STK4: variants seen among roughly 807,000 people sequenced by gnomAD.
STK4 encodes serine/threonine-protein kinase 4.
Under a neutral mutation model 64.9 loss-of-function variants are expected in STK4, and 30 were observed. The ratio of observed to expected loss-of-function variants is 0.46; its 90% CI spans 0.35 to 0.63. The LOEUF is 0.63. Ranked by LOEUF, STK4 falls within the 20% of genes least tolerant of loss-of-function variation. The pLI is 0.01. For synonymous variants in STK4, 177 were observed against 199.0 expected (o/e 0.89, Z 0.93); for missense variants, 466 against 598.5 (o/e 0.78, Z 2.31).
At position 45,078,002 on chromosome 20, in the gene STK4, T is replaced by A. The variant is rs1257246594; in HGVS notation, c.*2826T>A. 1 of 152,130 alleles carries A rather than the reference T, an allele frequency of 6.6e-6. No homozygotes were observed. Among genetic ancestry groups the A allele is most frequent in the Non-Finnish European group, 1.5e-5 (1 of 68,022 alleles). The allele number at this position is 152,130 out of a possible 1,614,324, so 9.4% of individuals were successfully genotyped here. A position where few individuals can be genotyped will look rare whatever the true frequency, so the allele number is the denominator to read the frequency against. On this transcript the variant is annotated 3_prime_UTR_variant, in exon 11 of 11. Coordinates refer to ENST00000372806, the MANE Select transcript of STK4 (RefSeq NM_006282.5). Reference sequence around the variant, plus strand: ...AGTGACAGAAAGGCAAAGGAACAAGTCCTAGTTGTTGTTGTTGTTGTTGAA... The same window carrying A: ...AGTGACAGAAAGGCAAAGGAACAAGACCTAGTTGTTGTTGTTGTTGTTGAA...
rs2068320558 is a variant in STK4 at position 45,025,052 on chromosome 20, C to T, written c.1227C>T (p.Asn409=). 6.2e-7 allele frequency: 1 copy of T among 1,613,328 alleles called. No individual in the cohort carries two copies. The highest frequency in any genetic ancestry group is 8.5e-7 in the Non-Finnish European group (1 of 1,179,608). The stretch of plus-strand genomic sequence containing the variant: ...AAAAAGAAAAGGAAAACCAGATCAA[C>T]AGCTTTGGCAAGAGTGTACCTGGTC... ...FEQKEKENQI[N]SFGKSVPGPL... is the part of the protein sequence containing the mutation. Residue 409 remains asparagine, a synonymous_variant, in exon 10 of 11, where the codon AAC becomes AAT. Transcript: ENST00000372806.
At chr20:45,023,994 G>A (rs547153804) in intron 9 of STK4, among the ~76,000 whole-genome samples, 2 of 145,728 alleles carry the variant, frequency 1.4e-5, no homozygotes, top group East Asian at 2.0e-4. Flanking sequence ...TCTGCCTCCC[G>A]GGTTCACGCC....
intron 10 of STK4, among the ~76,000 whole-genome samples, chr20:45,038,897 T>A (rs2068568880): frequency 6.6e-6 from 1 of 152,078 alleles, no homozygotes; most frequent in African/African-American, 2.4e-5. Context: ...TAGCATTGTT[T>A]ACATTTTTCA....
intron 9 of STK4, among the ~76,000 whole-genome samples, chr20:45,015,906 C>A (rs2068132777): frequency 6.6e-6 from 1 of 151,954 alleles, no homozygotes; most frequent in Non-Finnish European, 1.5e-5. Flanking sequence ...GTGTTTTTTT[C>A]ATTGGACGTA....
intron 1 of STK4, chr20:44,967,318 TC>T: frequency 1.2e-6 from 1 of 810,646 alleles, no homozygotes; most frequent in Non-Finnish European, 1.5e-6. Context: ...GAGACTGAGG[TC>T]CAGAGTAGTT....
chr20:45,069,500 C>A (rs1438021378), intron 10 of STK4, among the ~76,000 whole-genome samples: 1 of 152,192 alleles, frequency 6.6e-6, no homozygotes, highest in Non-Finnish European at 1.5e-5. Context: ...GATAACTTAG[C>A]CAGGACTGGA....
At chr20:45,044,215 C>T (rs998788770) in intron 10 of STK4, among the ~76,000 whole-genome samples, 2 of 152,206 alleles carry the variant, frequency 1.3e-5, no homozygotes, top group Non-Finnish European at 2.9e-5. Flanking sequence ...GAAACTACTT[C>T]CCTTACAGTA....
At chr20:45,020,466 G>GTGTATGTT (rs1491389409) in intron 9 of STK4, among the ~76,000 whole-genome samples, 13 of 89,086 alleles carry the variant, frequency 1.5e-4, no homozygotes, top group South Asian at 6.4e-4. Context: ...GTGTGTGTGT[G>GTGTATGTT]TATGTTTATG....
At chr20:45,004,322 T>G (rs978501788) in intron 9 of STK4, 1 of 152,110 alleles carries the variant, frequency 6.6e-6, no homozygotes, top group African/African-American at 2.4e-5. Flanking sequence ...TCTTGAACTC[T>G]TGACCTCAAG....
At chr20:45,074,333 GT>G (rs546181476) in intron 10 of STK4, among the ~76,000 whole-genome samples, 1 of 152,184 alleles carries the variant, frequency 6.6e-6, no homozygotes, top group Non-Finnish European at 1.5e-5. Flanking sequence ...TCAACTCATT[GT>G]TTTTCTTTGG....
At chr20:45,003,997 G>GT (rs1489303505) in intron 9 of STK4, among the ~76,000 whole-genome samples, 4 of 151,840 alleles carry the variant, frequency 2.6e-5, no homozygotes, top group Non-Finnish European at 5.9e-5. Context: ...GGAATTACAG[G>GT]TTGAGTCACT....
chr20:44,998,711 C>T (rs1000496222), intron 7 of STK4, among the ~76,000 whole-genome samples: 1 of 152,130 alleles, frequency 6.6e-6, no homozygotes, highest in African/African-American at 2.4e-5. Flanking sequence ...ACCCAGTTTG[C>T]AGACATAATG....
intron 7 of STK4, among the ~76,000 whole-genome samples, 197 bp downstream of exon 7, chr20:44,997,503 A>G (rs949932707): frequency 1.3e-5 from 2 of 152,192 alleles, no homozygotes; most frequent in Non-Finnish European, 1.5e-5. Flanking sequence ...GCCAGCCAGC[A>G]TGGTGAAACC....
At chr20:45,041,325 G>A (rs1409527297) in intron 10 of STK4, among the ~76,000 whole-genome samples, 10 of 149,322 alleles carry the variant, frequency 6.7e-5, no homozygotes, top group Non-Finnish European at 1.5e-4. Context: ...ATGCATGCAC[G>A]CACAGACAAA....
chr20:45,014,272 A>G (rs2068101922), intron 9 of STK4, among the ~76,000 whole-genome samples: 1 of 150,810 alleles, frequency 6.6e-6, no homozygotes, highest in African/African-American at 2.5e-5. Context: ...TAAAAATACA[A>G]AAAATCAGCT....
chr20:45,025,042 A>AC lies in STK4; in HGVS notation c.1219dup (p.Gln407ProfsTer31). On this transcript the variant is annotated frameshift_variant, in exon 10 of 11. Transcript: ENST00000372806. LOFTEE classifies it high-confidence loss of function. Reference sequence around the variant, plus strand: ...TATTTTGAACAAAAAGAAAAGGAAAACCAGATCAACAGCTTTGGCAAGAGT... The same window carrying AC: ...TATTTTGAACAAAAAGAAAAGGAAAACCCAGATCAACAGCTTTGGCAAGAGT... The AC allele has an allele frequency of 6.2e-7, 1 of 1,613,548 alleles. No individual in the cohort carries two copies. Among genetic ancestry groups the AC allele is most frequent in the Non-Finnish European group, 8.5e-7 (1 of 1,179,736 alleles).
At chr20:45,053,120 T>C in intron 10 of STK4, 1 of 1,612,838 alleles carries the variant, frequency 6.2e-7, no homozygotes, top group Non-Finnish European at 8.5e-7. Flanking sequence ...GGAAAAGACA[T>C]ATGTATCCAA....
chr20:45,075,137 T>C lies in STK4; in HGVS notation c.1425T>C (p.Asp475=), dbSNP rs765006728. Residue 475 remains aspartate, a synonymous_variant, in exon 11 of 11, where the codon GAT becomes GAC. Coordinates refer to ENST00000372806, the MANE Select transcript of STK4 (RefSeq NM_006282.5). ...AGTCCAAGCGGCAGCCCATCCTGGA[T>C]GCCATAGAGGCTAAGAAGAGACGGC... is the stretch of plus-strand genomic sequence containing the variant. ...KYQSKRQPIL[D]AIEAKKRRQQ... The C allele has an allele frequency of 2.5e-6, 4 of 1,614,032 alleles. No individual in the cohort carries two copies. Among genetic ancestry groups the C allele is most frequent in the Admixed American group, 1.7e-5 (1 of 60,006 alleles).
intron 10 of STK4, among the ~76,000 whole-genome samples, chr20:45,062,707 G>A (rs947981674): frequency 1.3e-5 from 2 of 151,998 alleles, no homozygotes; most frequent in Non-Finnish European, 2.9e-5. Flanking sequence ...CGCCCAGGCT[G>A]GAGTGCCCAG....
Sources: gnomAD v4.1 joint callset for allele counts (sites outside exome capture counted in the v4.1 genomes callset) on GRCh38, gnomAD v4.1.1 for gene constraint, MANE v1.5 for transcripts, NCBI Gene and HGNC (gene_info 2026-07-23, HGNC 2026-07-21) for gene names.